APBB2: variants seen among roughly 807,000 people sequenced by gnomAD.
APBB2 encodes the protein amyloid beta precursor protein binding family B member 2.
APBB2 carries 38 observed loss-of-function variants against 82.5 expected under a neutral mutation model. That is an observed-to-expected ratio of 0.46 (90% CI 0.36 to 0.60). The LOEUF (loss-of-function observed/expected upper bound fraction) is 0.60, where lower values mean the gene tolerates loss of function less well. Among genes scored for constraint, APBB2 ranks in the 20% least tolerant of loss-of-function variants. The probability of loss-of-function intolerance (pLI) is 0.00; values close to 1 mark genes in which losing one functional copy is unlikely to be tolerated. For synonymous variants in APBB2, 341 were observed against 368.2 expected, an observed-to-expected ratio of 0.93 and a Z score of 0.85; for missense variants, 772 against 972.3, an observed-to-expected ratio of 0.79 and a Z score of 2.74.
At chr4:41,064,967 TA>T (rs1464234191) in intron 4 of APBB2, among the ~76,000 whole-genome samples, 2 of 151,990 alleles carry the variant, frequency 1.3e-5, no homozygotes, top group African/African-American at 2.4e-5. Context: ...AAGGAAAGCT[TA>T]AAAAAATAAA....
intron 2 of APBB2, among the ~76,000 whole-genome samples, chr4:41,107,786 C>T (rs1289051635): frequency 6.6e-6 from 1 of 152,130 alleles, no homozygotes; most frequent in Non-Finnish European, 1.5e-5. Flanking sequence ...GTGATACATT[C>T]TACAAAACAA....
At chr4:40,858,680 G>A (rs1762056718) in intron 12 of APBB2, among the ~76,000 whole-genome samples, 1 of 152,128 alleles carries the variant, frequency 6.6e-6, no homozygotes. Context: ...ATGAGGATCA[G>A]GTGTTTTCTC....
intron 1 of APBB2, among the ~76,000 whole-genome samples, chr4:41,165,979 T>C (rs1766457598): frequency 6.6e-6 from 1 of 150,476 alleles, no homozygotes; most frequent in Admixed American, 6.6e-5. Flanking sequence ...GTTCACGCCA[T>C]TCTCCTGCCT....
chr4:41,029,015 T>G (rs1025796206), intron 5 of APBB2, among the ~76,000 whole-genome samples: 1 of 152,148 alleles, frequency 6.6e-6, no homozygotes, highest in African/African-American at 2.4e-5. Context: ...CTCCCTTTAC[T>G]CCCGCGACAT....
At chr4:40,889,776 A>G (rs1175247969) in intron 12 of APBB2, among the ~76,000 whole-genome samples, 1 of 152,214 alleles carries the variant, frequency 6.6e-6, no homozygotes, top group Non-Finnish European at 1.5e-5. Flanking sequence ...TTTCTTATAA[A>G]TAACACATTT....
chr4:40,946,254 A>AAAAAAAAC lies in APBB2; in HGVS notation c.836-1182_836-1181insGTTTTTTT, dbSNP rs1553875174. Among the ~76,000 whole-genome samples the AAAAAAAAC allele has an allele frequency of 5.0e-4, 57 of 114,576 alleles. 7 individuals carry two copies. Among genetic ancestry groups the AAAAAAAAC allele is most frequent in the African/African-American group, 8.2e-4 (25 of 30,326 alleles). The allele number at this position is 114,576 out of a possible 152,430, so 75.2% of individuals were successfully genotyped here. On this transcript the variant is annotated intron_variant, in intron 6 of 17. Transcript: ENST00000508593. ...CTCCAAAAAAAAAAAAAAAAAAAAA[A>AAAAAAAAC]CATTCCCAAGGAAAGCAGATTGGAA...
intron 10 of APBB2, among the ~76,000 whole-genome samples, chr4:40,906,894 C>A (rs1369567853): frequency 6.6e-6 from 1 of 152,088 alleles, no homozygotes; most frequent in Non-Finnish European, 1.5e-5. Context: ...CACACATGCA[C>A]TTATTGAGAG....
At chr4:40,987,272 C>T (rs1800646518) in intron 6 of APBB2, among the ~76,000 whole-genome samples, 1 of 152,128 alleles carries the variant, frequency 6.6e-6, no homozygotes. Flanking sequence ...TGATTTCCTG[C>T]CAAAGTTTAA....
At chr4:40,902,995 T>A (rs1379635345) in intron 10 of APBB2, among the ~76,000 whole-genome samples, 3 of 152,092 alleles carry the variant, frequency 2.0e-5, no homozygotes, top group African/African-American at 7.2e-5. Context: ...TTTTTTTAAT[T>A]AGCCAGACAC....
intron 3 of APBB2, among the ~76,000 whole-genome samples, chr4:41,067,411 C>G (rs915298218): frequency 1.9e-5 from 2 of 107,934 alleles, no homozygotes; most frequent in East Asian, 5.4e-4. Flanking sequence ...AACTCCGTCT[C>G]AAAAAAAAAA....
At chr4:41,013,473 G>T in intron 6 of APBB2, 110 bp downstream of exon 6, 1 of 1,030,426 alleles carries the variant, frequency 9.7e-7, no homozygotes, top group Non-Finnish European at 1.4e-6. Flanking sequence ...AGAGGCTCAC[G>T]TTCCTCTCTG....
intron 3 of APBB2, among the ~76,000 whole-genome samples, chr4:41,073,630 T>G (rs1412998798): frequency 6.6e-6 from 1 of 152,220 alleles, no homozygotes; most frequent in Non-Finnish European, 1.5e-5. Flanking sequence ...ACCTAAATCC[T>G]GACACCTCCA....
intron 12 of APBB2, among the ~76,000 whole-genome samples, chr4:40,848,700 CA>C (rs1476402592): frequency 6.6e-6 from 1 of 151,930 alleles, no homozygotes; most frequent in Non-Finnish European, 1.5e-5. Context: ...TTACAATTCC[CA>C]ACCCCCACCC....
intron 10 of APBB2, among the ~76,000 whole-genome samples, chr4:40,930,023 T>C (rs558029278): frequency 6.6e-6 from 1 of 152,234 alleles, no homozygotes; most frequent in African/African-American, 2.4e-5. Context: ...GAGGAGCATG[T>C]GAAATAATTT....
chr4:41,110,884 T>C (rs1432263510), intron 2 of APBB2, among the ~76,000 whole-genome samples: 2 of 152,184 alleles, frequency 1.3e-5, no homozygotes, highest in African/African-American at 2.4e-5. Context: ...TGCATGATGT[T>C]TATAGTGCAC....
chr4:41,109,431 C>T lies in APBB2; in HGVS notation c.-260-8681G>A, dbSNP rs373777904. On this transcript the variant is annotated intron_variant, in intron 2 of 17. Coordinates refer to ENST00000508593, the MANE Select transcript of APBB2 (RefSeq NM_004307.2). The stretch of plus-strand genomic sequence containing the variant: ...TCAGCCTCCCAAGTAGCTGGTACTA[C>T]AGGGGCGTGCCACCACGCCCAGCTA... Among the ~76,000 whole-genome samples the T allele has an allele frequency of 2.0e-5, 3 of 152,144 alleles. No individual in the cohort carries two copies. The East Asian group carries it at 5.8e-4, about 30-fold the overall frequency.
chr4:41,143,667 G>A (rs1003927815), intron 1 of APBB2, among the ~76,000 whole-genome samples: 11 of 152,122 alleles, frequency 7.2e-5, no homozygotes, highest in Non-Finnish European at 1.2e-4. Context: ...ATAAGTGGGG[G>A]CTATAAAAAA....
chr4:41,189,957 G>A (rs1372247530), intron 1 of APBB2, among the ~76,000 whole-genome samples: 1 of 152,280 alleles, frequency 6.6e-6, no homozygotes, highest in East Asian at 1.9e-4. Context: ...ACTGTTTCCT[G>A]AATTTAGTAA....
chr4:41,035,378 T>C (rs62413764), intron 4 of APBB2, among the ~76,000 whole-genome samples: 5,711 of 152,274 alleles, frequency 0.038, 203 homozygotes, highest in African/African-American at 0.097. Context: ...TCTGGTATAA[T>C]TAAAAGGGTG....
Sources: allele counts gnomAD v4.1 joint callset (sites outside exome capture counted in the v4.1 genomes callset), GRCh38; gene constraint gnomAD v4.1.1; transcripts MANE v1.5; gene names NCBI Gene and HGNC (gene_info 2026-07-23, HGNC 2026-07-21).